The following SNX24 variants were observed in gnomAD, a reference collection of about 807,000 sequenced individuals.
SNX24 encodes the protein sorting nexin 24.
SNX24 carries 22 observed loss-of-function variants against 28.7 expected under a neutral mutation model. The observed-to-expected ratio is 0.77, with a 90% CI of 0.55 to 1.10. The LOEUF (loss-of-function observed/expected upper bound fraction) is 1.10, where lower values mean the gene tolerates loss of function less well. Ranked by LOEUF, SNX24 falls within the 50% of genes least tolerant of loss-of-function variation. SNX24 has a pLI of 0.00. For synonymous variants in SNX24, 69 were observed against 71.5 expected (o/e 0.96, Z 0.18); for missense variants, 221 against 201.1 (o/e 1.10, Z -0.60).
chr5:123,024,153 A>ACC, intron 5 of SNX24: 2 of 104,228 alleles, frequency 1.9e-5, no homozygotes, highest in Non-Finnish European at 1.4e-5. Flanking sequence ...AGCGTTTTTT[A>ACC]TGCACGCTAA....
At chr5:122,955,561 G>A (rs1297955118) in intron 3 of SNX24, among the ~76,000 whole-genome samples, 1 of 152,130 alleles carries the variant, frequency 6.6e-6, no homozygotes, top group Non-Finnish European at 1.5e-5. Flanking sequence ...GATGGGATGT[G>A]GAAGACATTA....
intron 1 of SNX24, among the ~76,000 whole-genome samples, chr5:122,932,695 A>G (rs1759006342): frequency 6.6e-6 from 1 of 151,948 alleles, no homozygotes; most frequent in South Asian, 2.1e-4. Flanking sequence ...CATCTCTACT[A>G]AAAATACAAA....
intron 3 of SNX24, among the ~76,000 whole-genome samples, chr5:122,988,399 A>G (rs966190990): frequency 1.3e-5 from 2 of 152,198 alleles, no homozygotes; most frequent in Non-Finnish European, 2.9e-5. Context: ...CTCAGCTAAG[A>G]ACTTCAAGAT....
downstream of SNX24, among the ~76,000 whole-genome samples, chr5:123,009,854 C>G (rs575220198): frequency 1.3e-5 from 2 of 152,324 alleles, no homozygotes; most frequent in Admixed American, 1.3e-4. Flanking sequence ...GCCTGGGGAG[C>G]TACAGCCTGT....
rs774604623 is a variant in SNX24, at chr5:122,891,922, G to A, written c.61-44812G>A. 3.5e-4 allele frequency among the ~76,000 whole-genome samples: 53 copies of A among 152,206 alleles called. 1 individual carries two copies. The highest frequency in any genetic ancestry group is 6.2e-4 in the Non-Finnish European group (42 of 68,038). The stretch of plus-strand genomic sequence containing the variant: ...TGACCAAAAGTTTGCTTCTCTCATT[G>A]AAATAGGAATGGTAAGGGTAAGAAT... On this transcript the variant is annotated intron_variant, in intron 1 of 6. Transcript: ENST00000261369.
At chr5:122,898,080 G>A (rs188361587) in intron 1 of SNX24, among the ~76,000 whole-genome samples, 78 of 152,226 alleles carry the variant, frequency 5.1e-4, no homozygotes, top group East Asian at 2.7e-3. Context: ...TATGTGTGTC[G>A]GGGTTGGTGC....
At chr5:122,946,443 TTTTTTGC>T (rs1561638950) in intron 3 of SNX24, among the ~76,000 whole-genome samples, 1 of 152,206 alleles carries the variant, frequency 6.6e-6, no homozygotes, top group Non-Finnish European at 1.5e-5. Context: ...AATTATTTTG[TTTTTTGC>T]TTTTTGCTTT....
chr5:122,912,470 C>G (rs1470425364), intron 1 of SNX24, among the ~76,000 whole-genome samples: 1 of 151,970 alleles, frequency 6.6e-6, no homozygotes, highest in African/African-American at 2.4e-5. Context: ...ATTTCCTTCT[C>G]CTGCCTCATT....
At chr5:122,900,353 T>C (rs1034795892) in intron 1 of SNX24, among the ~76,000 whole-genome samples, 1 of 152,188 alleles carries the variant, frequency 6.6e-6, no homozygotes, top group Admixed American at 6.5e-5. Flanking sequence ...TTTTAAAATG[T>C]GAACTATTAA....
intron 3 of SNX24, among the ~76,000 whole-genome samples, chr5:122,974,694 G>C (rs1285962829): frequency 1.3e-5 from 2 of 151,098 alleles, no homozygotes; most frequent in Non-Finnish European, 3.0e-5. Context: ...CCAAATAGGA[G>C]AGTTGAATGG....
intron 3 of SNX24, among the ~76,000 whole-genome samples, chr5:122,955,983 G>C (rs909495496): frequency 6.6e-6 from 1 of 152,092 alleles, no homozygotes; most frequent in African/African-American, 2.4e-5. Flanking sequence ...AATGGTTAGT[G>C]TCTGCAAATT....
chr5:123,025,793 A>C (rs1384761190), intron 5 of SNX24: 1 of 1,612,866 alleles, frequency 6.2e-7, no homozygotes, highest in African/African-American at 1.3e-5. Context: ...CCATCCCATC[A>C]ATGACTTTTC....
chr5:122,874,511 A>G (rs1232842081), intron 1 of SNX24, among the ~76,000 whole-genome samples: 1 of 152,236 alleles, frequency 6.6e-6, no homozygotes, highest in Non-Finnish European at 1.5e-5. Flanking sequence ...AGGTGGGAGC[A>G]TTAAATAGGT....
Position 122,946,136 on chromosome 5 carries a change from C to G in SNX24, c.226C>G (p.Gln76Glu). 1 of 1,606,080 alleles carries G rather than the reference C, an allele frequency of 6.2e-7. No individual in the cohort carries two copies. Among genetic ancestry groups the G allele is most frequent in the Non-Finnish European group, 8.5e-7 (1 of 1,173,468 alleles). ...CCCCAAAGTCTTGGAACAGCGACGA[C>G]AAGGCTTGGAAACATACTTACAGGT... ...WVPKVLEQRR[Q>E]GLETYLQAVI... Residue 76 changes from glutamine (Q) to glutamate (E), a missense_variant, in exon 3 of 7, where the codon CAA becomes GAA. Transcript: ENST00000261369.
chr5:122,854,191 G>C (rs1755062881), intron 1 of SNX24, among the ~76,000 whole-genome samples: 3 of 151,992 alleles, frequency 2.0e-5, no homozygotes, highest in African/African-American at 7.3e-5. Context: ...CAGATTTATG[G>C]GATCAAAAGA....
intron 6 of SNX24, among the ~76,000 whole-genome samples, chr5:123,005,511 G>A (rs1027811488): frequency 2.0e-5 from 3 of 152,118 alleles, no homozygotes; most frequent in Non-Finnish European, 4.4e-5. Context: ...TACCAGCGCA[G>A]TAGAGTTACC....
intron 1 of SNX24, among the ~76,000 whole-genome samples, chr5:122,916,304 G>C (rs925962147): frequency 2.1e-4 from 32 of 152,182 alleles, no homozygotes; most frequent in African/African-American, 7.7e-4. Flanking sequence ...TTTCCAGGGA[G>C]ACCTGGATCT....
At chr5:122,943,680 C>T (rs1759560623) in intron 2 of SNX24, among the ~76,000 whole-genome samples, 1 of 152,210 alleles carries the variant, frequency 6.6e-6, no homozygotes, top group Non-Finnish European at 1.5e-5. Context: ...GCTCTCTCAT[C>T]ACATGACACC....
chr5:122,859,964 C>G (rs997568046), intron 1 of SNX24, among the ~76,000 whole-genome samples: 1 of 152,134 alleles, frequency 6.6e-6, no homozygotes, highest in African/African-American at 2.4e-5. Context: ...ATTGTAGAGA[C>G]CAAAGTTCTT....
Sources: gnomAD v4.1 joint callset for allele counts (sites outside exome capture counted in the v4.1 genomes callset) on GRCh38, gnomAD v4.1.1 for gene constraint, MANE v1.5 for transcripts, NCBI Gene and HGNC (gene_info 2026-07-23, HGNC 2026-07-21) for gene names.